The following DEAF1 variants were observed in gnomAD, a reference collection of about 807,000 sequenced individuals.
DEAF1 encodes the protein DEAF1 transcription factor.
Under a neutral mutation model 58.9 loss-of-function variants are expected in DEAF1, and 53 were observed. That is an observed-to-expected ratio of 0.90 (90% CI 0.72 to 1.13). The LOEUF (loss-of-function observed/expected upper bound fraction) is 1.13, where lower values mean the gene tolerates loss of function less well. Among genes scored for constraint, DEAF1 ranks in the 50% most tolerant of loss-of-function variants. The pLI, the probability that DEAF1 is intolerant of heterozygous loss-of-function variation, is 0.00. For synonymous variants in DEAF1, 385 were observed against 340.4 expected (o/e 1.13, Z -1.44); for missense variants, 685 against 791.4 (o/e 0.87, Z 1.61).
chr11:679,803 G>A lies in DEAF1; in HGVS notation c.1011C>T (p.Pro337=), dbSNP rs1045451090. 33 of 1,613,556 alleles carry A rather than the reference G, an allele frequency of 2.0e-5. No individual in the cohort carries two copies. The highest frequency in any genetic ancestry group is 2.7e-5 in the Non-Finnish European group (32 of 1,180,036). ...ATAATTFTVT[P]SGQITTSGAL... is the part of the protein sequence containing the mutation. ...CCCCCGAGGTCGTGATCTGTCCCGA[G>A]GGGGTCACGGTGACTGGAAAGGCAG... is the stretch of plus-strand genomic sequence containing the variant. The change falls in exon 8 of 12, where the codon CCC becomes CCT. Residue 337 remains proline, a synonymous_variant. Coordinates refer to ENST00000382409, the MANE Select transcript of DEAF1 (RefSeq NM_021008.4).
At chr11:703,794 C>T in intron 1 of DEAF1, 1 of 1,233,364 alleles carries the variant, frequency 8.1e-7, no homozygotes, top group Admixed American at 4.2e-5. Flanking sequence ...ACACTTCTCC[C>T]TTCAGGGGCT....
At chr11:662,439 C>T (rs1245164373) in intron 10 of DEAF1, among the ~76,000 whole-genome samples, 1 of 152,192 alleles carries the variant, frequency 6.6e-6, no homozygotes, top group Non-Finnish European at 1.5e-5. Context: ...CATTTTCATC[C>T]TACTGTTGTG....
chr11:666,666 C>G (rs764394066), intron 10 of DEAF1, among the ~76,000 whole-genome samples: 15 of 152,022 alleles, frequency 9.9e-5, no homozygotes, highest in Non-Finnish European at 2.2e-4. Flanking sequence ...GATCGTGCCA[C>G]TGCACTCCAA....
At position 688,777 on chromosome 11, in the gene DEAF1, C is replaced by T. The variant is rs7482763; in HGVS notation, c.388-317G>A. 3.3e-4 allele frequency among the ~76,000 whole-genome samples: 50 copies of T among 152,296 alleles called. 1 individual carries two copies. The highest frequency in any genetic ancestry group is 1.2e-3 in the African/African-American group (50 of 41,564). On this transcript the variant is annotated intron_variant, in intron 2 of 11. Coordinates refer to ENST00000382409, the MANE Select transcript of DEAF1 (RefSeq NM_021008.4). The surrounding 1 kb of genome is among the most constrained non-coding windows in gnomAD (Gnocchi z 4.3). ...ACCTGAGCCGCTCCCACAAGGTCAC[C>T]GTCTTCATGCAGAGTTTCCAACAGA...
Position 674,740 on chromosome 11 carries a change from G to A in DEAF1, c.1299C>T (p.Pro433=). The change falls in exon 10 of 12, where the codon CCC becomes CCT. Residue 433 remains proline, a synonymous_variant. Coordinates refer to ENST00000382409, the MANE Select transcript of DEAF1 (RefSeq NM_021008.4). Reference sequence around the variant, plus strand: ...CCAACGCGGGAGGTGCCGCTTTGGTGGGAGTCGGGGGTGGGACCGCCAGCG... The same window carrying A: ...CCAACGCGGGAGGTGCCGCTTTGGTAGGAGTCGGGGGTGGGACCGCCAGCG... ...LPALAVPPPT[P]TKAAPPALVN... is the part of the protein sequence containing the mutation. 6.2e-7 allele frequency: 1 copy of A among 1,613,578 alleles called. No homozygotes were observed. The highest frequency in any genetic ancestry group is 1.1e-5 in the South Asian group (1 of 91,082).
chr11:688,467 G>A lies in DEAF1; in HGVS notation c.388-7C>T, dbSNP rs756048516. ...GAAGGGCCGTCCTACCAGACTAGAA[G>A]GAAAAACCGCTCCGTCAGGTCACGT... On this transcript the variant is annotated splice_polypyrimidine_tract_variant and splice_region_variant and intron_variant, in intron 2 of 11. Coordinates refer to ENST00000382409, the MANE Select transcript of DEAF1 (RefSeq NM_021008.4). This position sits in a 1 kb window ranked among gnomAD's most constrained non-coding sequence, Gnocchi z 4.3. 1 of 1,613,650 alleles carries A rather than the reference G, an allele frequency of 6.2e-7. No homozygotes were observed. Among genetic ancestry groups the A allele is most frequent in the Non-Finnish European group, 8.5e-7 (1 of 1,179,988 alleles).
intron 10 of DEAF1, among the ~76,000 whole-genome samples, chr11:658,599 GTGCCCAGGCC>G (rs748640741): frequency 4.9e-4 from 74 of 152,400 alleles, no homozygotes; most frequent in Non-Finnish European, 8.5e-4. Context: ...AAGGGCAGAA[GTGCCCAGGCC>G]TGCCCAGGCG....
In DEAF1 at chr11:674,649, G is replaced by A; in HGVS notation, c.1390C>T (p.Leu464Phe). The A allele has an allele frequency of 1.2e-6, 2 of 1,614,136 alleles. No homozygotes were observed. Among genetic ancestry groups the A allele is most frequent in the Non-Finnish European group, 1.7e-6 (2 of 1,180,038 alleles). Residue 464 changes from leucine to phenylalanine, a missense_variant, in exon 10 of 12, where the codon CTC (leucine) becomes TTC (phenylalanine). By Grantham distance (22) the Leu-to-Phe change is conservative. Coordinates refer to ENST00000382409, the MANE Select transcript of DEAF1 (RefSeq NM_021008.4). ...LYLEEMVNSL[L>F]NTAQQLKTLF... is the part of the protein sequence containing the mutation. ...GTCTTCAGCTGCTGCGCTGTGTTGA[G>A]CAAGGAGTTGACCATCTCTTCTAGG...
At chr11:666,889 A>AG in intron 10 of DEAF1, among the ~76,000 whole-genome samples, 1 of 151,428 alleles carries the variant, frequency 6.6e-6, no homozygotes, top group African/African-American at 2.4e-5. Context: ...AAAAAAAAAA[A>AG]AAAAAAAAGA....
chr11:659,674 C>T (rs900937206), intron 10 of DEAF1, among the ~76,000 whole-genome samples: 4 of 152,166 alleles, frequency 2.6e-5, no homozygotes, highest in African/African-American at 9.7e-5. Context: ...GGTTCAGAGC[C>T]GCTGGGAGAA....
chr11:690,178 A>G (rs1247240359), intron 2 of DEAF1, among the ~76,000 whole-genome samples: 1 of 123,336 alleles, frequency 8.1e-6, no homozygotes, highest in Admixed American at 8.7e-5. Flanking sequence ...GTGAGTTGAG[A>G]TCACTCCACT....
chr11:694,771 C>T lies in DEAF1; in HGVS notation c.277G>A (p.Ala93Thr), dbSNP rs927502526. The stretch of plus-strand genomic sequence containing the variant: ...CGGGCGCACTTGCCTGCGAAGGCTG[C>T]GGCAGCGGCGGCCTCGTCGGGGCCG... ...LPGPDEAAAA[A>T]AFAEVTTVTV... Residue 93 changes from alanine (A) to threonine (T), a missense_variant, in exon 1 of 12, where the codon GCA becomes ACA. Ala to Thr is a moderately conservative substitution (Grantham distance 58). Transcript: ENST00000382409. 3 of 1,310,114 alleles carry T rather than the reference C, an allele frequency of 2.3e-6. No individual in the cohort carries two copies. The highest frequency in any genetic ancestry group is 4.4e-5 in the South Asian group (2 of 45,210). 81.2% of individuals were successfully genotyped at this position (1,310,114 alleles called of 1,614,324 possible).
intron 11 of DEAF1, among the ~76,000 whole-genome samples, chr11:649,968 G>A (rs918426911): frequency 1.3e-5 from 2 of 152,170 alleles, no homozygotes; most frequent in Admixed American, 1.3e-4. Context: ...TGAGGTTGCA[G>A]TGGGCTGAGA....
intron 8 of DEAF1, among the ~76,000 whole-genome samples, 188 bp downstream of exon 8, chr11:679,500 C>G (rs1374337247): frequency 6.6e-6 from 1 of 152,192 alleles, no homozygotes; most frequent in Non-Finnish European, 1.5e-5. Context: ...CACTGCCACA[C>G]GCCAACCCCA....
chr11:704,044 T>C, intron 1 of DEAF1: 1 of 1,173,896 alleles, frequency 8.5e-7, no homozygotes, highest in Non-Finnish European at 1.1e-6. Flanking sequence ...GTGTGTTTTC[T>C]ATGTTTGGAA....
chr11:706,887 G>C (rs1861736562), exon 1 of DEAF1: 1 of 152,808 alleles, frequency 6.5e-6, no homozygotes, highest in Non-Finnish European at 1.5e-5. Flanking sequence ...TGCCAGGAGA[G>C]GCAGGAGGGT....
At chr11:694,668 G>C (rs902458726) in intron 1 of DEAF1, 91 bp downstream of exon 1, 1 of 1,191,140 alleles carries the variant, frequency 8.4e-7, no homozygotes, top group Non-Finnish European at 1.1e-6. Flanking sequence ...CAGGTGTGGC[G>C]GGCTGGTCAC....
chr11:690,151 A>G (rs1860762752), intron 2 of DEAF1, among the ~76,000 whole-genome samples: 1 of 131,494 alleles, frequency 7.6e-6, no homozygotes, highest in Non-Finnish European at 1.7e-5. Flanking sequence ...TGGGGAACCC[A>G]GGAGGTGGAG....
At chr11:666,281 G>A (rs1386373647) in intron 10 of DEAF1, 1 of 152,200 alleles carries the variant, frequency 6.6e-6, no homozygotes, top group African/African-American at 2.4e-5. Flanking sequence ...GAAGACAACA[G>A]AATCCAACAA....
Sources: gnomAD v4.1 joint callset for allele counts (sites outside exome capture counted in the v4.1 genomes callset) on GRCh38, gnomAD v4.1.1 for gene constraint, Gnocchi (gnomAD v3.1) non-coding constraint, MANE v1.5 for transcripts, NCBI Gene and HGNC (gene_info 2026-07-23, HGNC 2026-07-21) for gene names.